Variants in SCHIP1 observed in about 807,000 individuals in gnomAD.
SCHIP1 encodes the protein schwannomin-interacting protein 1.
A neutral mutation model predicts 29.7 loss-of-function variants in SCHIP1; 8 were observed. That is an observed-to-expected ratio of 0.27 (90% CI 0.16 to 0.49). SCHIP1 has a LOEUF of 0.49. Ranked by LOEUF, SCHIP1 falls within the 20% of genes least tolerant of loss-of-function variation. The probability of loss-of-function intolerance (pLI) is 0.99; values close to 1 mark genes in which losing one functional copy is unlikely to be tolerated. For missense variants in SCHIP1, 193 were observed against 294.6 expected, an observed-to-expected ratio of 0.66 and a Z score of 2.52; for synonymous variants, 76 against 94.9, an observed-to-expected ratio of 0.80 and a Z score of 1.16.
At chr3:159,777,327 T>C in the SCHIP1 span, among the ~76,000 whole-genome samples, 1 of 152,118 alleles carries the variant, frequency 6.6e-6, no homozygotes, top group Non-Finnish European at 1.5e-5. Flanking sequence ...TCTGGTGAGA[T>C]TGTAGAAGTA....
the SCHIP1 span, among the ~76,000 whole-genome samples, chr3:159,780,120 G>C: frequency 6.6e-6 from 1 of 152,170 alleles, no homozygotes; most frequent in Non-Finnish European, 1.5e-5. Flanking sequence ...GGGAACTTCA[G>C]CTCCAGTTCC....
the SCHIP1 span, among the ~76,000 whole-genome samples, chr3:159,335,247 G>A: frequency 5.9e-5 from 9 of 152,128 alleles, no homozygotes; most frequent in East Asian, 1.7e-3. Flanking sequence ...ATTGGACCAT[G>A]TACTTCTACC....
chr3:159,371,347 A>AAGAT, the SCHIP1 span, among the ~76,000 whole-genome samples: 1,254 of 152,234 alleles, frequency 8.2e-3, 12 homozygotes, highest in African/African-American at 0.028. Context: ...CAAGTTTAAT[A>AAGAT]AGATAGATGT....
chr3:159,298,957 AG>A, the SCHIP1 span, among the ~76,000 whole-genome samples: 10 of 152,208 alleles, frequency 6.6e-5, no homozygotes, highest in Non-Finnish European at 1.5e-4. Context: ...ATCTCTGTAA[AG>A]CCTCTCCTCT....
the SCHIP1 span, among the ~76,000 whole-genome samples, chr3:159,760,587 G>A: frequency 6.6e-6 from 1 of 152,186 alleles, no homozygotes; most frequent in African/African-American, 2.4e-5. Context: ...ATATGAATTA[G>A]ATATTATCGT....
the SCHIP1 span, among the ~76,000 whole-genome samples, chr3:159,440,808 G>T: frequency 5.3e-5 from 8 of 152,126 alleles, no homozygotes; most frequent in Non-Finnish European, 1.5e-5. Flanking sequence ...GGTTGACTCA[G>T]CATACATACT....
At chr3:159,565,216 G>GT in the SCHIP1 span, among the ~76,000 whole-genome samples, 2 of 152,168 alleles carry the variant, frequency 1.3e-5, no homozygotes, top group Non-Finnish European at 1.5e-5. Flanking sequence ...AACCTGCTTA[G>GT]TTAGCATAGC....
chr3:159,438,435 C>G, the SCHIP1 span, among the ~76,000 whole-genome samples: 1 of 152,152 alleles, frequency 6.6e-6, no homozygotes, highest in African/African-American at 2.4e-5. Flanking sequence ...AAAGAACACA[C>G]AGACCGGACA....
At chr3:159,375,284 C>T in the SCHIP1 span, among the ~76,000 whole-genome samples, 183 of 152,292 alleles carry the variant, frequency 1.2e-3, 5 homozygotes, top group East Asian at 0.03. Flanking sequence ...CCAGGAGGGG[C>T]TCCAGAGGGA....
the SCHIP1 span, among the ~76,000 whole-genome samples, chr3:159,577,952 A>G: frequency 7.9e-5 from 12 of 152,216 alleles, no homozygotes; most frequent in Admixed American, 6.5e-5. Context: ...AGCAAAAACA[A>G]AAGTTTTATC....
chr3:159,894,087 A>G (rs1368319643), intron 6 of SCHIP1: 1 of 152,212 alleles, frequency 6.6e-6, no homozygotes, highest in Admixed American at 6.5e-5. Context: ...GGGTTGCACA[A>G]CAGAACCATG....
chr3:159,458,955 A>C, the SCHIP1 span, among the ~76,000 whole-genome samples: 1 of 152,184 alleles, frequency 6.6e-6, no homozygotes, highest in African/African-American at 2.4e-5. Context: ...TTTAACATGC[A>C]TCTTCATGTG....
chr3:159,746,399 C>T, the SCHIP1 span, among the ~76,000 whole-genome samples: 1 of 152,106 alleles, frequency 6.6e-6, no homozygotes, highest in African/African-American at 2.4e-5. Context: ...TGCTTTATAT[C>T]CACAACACTA....
the SCHIP1 span, among the ~76,000 whole-genome samples, chr3:159,396,631 G>C: frequency 4.0e-4 from 61 of 152,200 alleles, no homozygotes; most frequent in African/African-American, 1.4e-3. Context: ...TTTTCTTTAA[G>C]AATGTTGAAT....
the SCHIP1 span, among the ~76,000 whole-genome samples, chr3:159,671,825 C>G: frequency 5.9e-5 from 9 of 152,212 alleles, no homozygotes; most frequent in South Asian, 2.1e-4. Flanking sequence ...TTAGGGGAGA[C>G]AGTATTAAGG....
the SCHIP1 span, among the ~76,000 whole-genome samples, chr3:159,727,314 C>T: frequency 6.6e-6 from 1 of 152,174 alleles, no homozygotes; most frequent in Admixed American, 6.6e-5. Context: ...TACTACCTGA[C>T]ATTTTCTTTT....
chr3:159,403,005 C>T, the SCHIP1 span, among the ~76,000 whole-genome samples: 2 of 152,034 alleles, frequency 1.3e-5, no homozygotes, highest in Non-Finnish European at 2.9e-5. Context: ...TGAGAGCCTC[C>T]CACAAATATG....
chr3:159,522,955 CAA>C, the SCHIP1 span, among the ~76,000 whole-genome samples: 5 of 152,124 alleles, frequency 3.3e-5, no homozygotes, highest in African/African-American at 1.2e-4. Flanking sequence ...TTTTATTTAT[CAA>C]AGAGAATTTC....
the SCHIP1 span, chr3:159,274,636 T>C: frequency 1.2e-6 from 1 of 823,602 alleles, no homozygotes; most frequent in Non-Finnish European, 1.5e-6. Flanking sequence ...TATTATTATA[T>C]GACACAACCA....
Sources: allele counts gnomAD v4.1 joint callset (sites outside exome capture counted in the v4.1 genomes callset), GRCh38; gene constraint gnomAD v4.1.1; transcripts MANE v1.5; gene names NCBI Gene and HGNC (gene_info 2026-07-23, HGNC 2026-07-21).